The following UGT2B11 variants were observed in gnomAD, a reference collection of about 807,000 sequenced individuals.
UGT2B11 encodes the protein UDP-glucuronosyltransferase 2B11.
Under a neutral mutation model 51.7 loss-of-function variants are expected in UGT2B11, and 49 were observed. The observed-to-expected ratio is 0.95, with a 90% confidence interval of 0.75 to 1.20. The LOEUF (loss-of-function observed/expected upper bound fraction) is 1.20, where lower values mean the gene tolerates loss of function less well. Ranked by LOEUF, UGT2B11 falls within the 50% of genes most tolerant of loss-of-function variation. The pLI is 0.00. For synonymous variants in UGT2B11, 273 were observed against 209.0 expected (o/e 1.31, Z -2.64); for missense variants, 810 against 622.1 (o/e 1.30, Z -3.21).
intron 2 of UGT2B11, 120 bp from the exon 3 acceptor site, chr4:69,208,602 T>C (rs1303490558): frequency 2.0e-6 from 3 of 1,497,316 alleles, no homozygotes; most frequent in East Asian, 2.3e-5. Flanking sequence ...TTGGAATTAA[T>C]AATATTTTTT....
chr4:69,204,634 C>T lies in UGT2B11; in HGVS notation c.1106G>A (p.Arg369Lys), dbSNP rs1383101988. The part of the protein sequence containing the change: ...QNDLLGHPKT[R>K]AFITHGGANG... The stretch of plus-strand genomic sequence containing the variant: ...GGCTCCACCATGAGTTATAAAAGCT[C>T]TGGTTTTTGGATGACCTAGGATTGG... The change falls in exon 5 of 6, where the codon AGA (arginine) becomes AAA (lysine). Residue 369 changes from arginine to lysine, a missense_variant. Arg to Lys is a conservative substitution (Grantham distance 26). Transcript: ENST00000446444. The T allele has an allele frequency of 1.9e-6, 3 of 1,611,736 alleles. No individual in the cohort carries two copies. The highest frequency in any genetic ancestry group is 1.1e-5 in the South Asian group (1 of 91,032).
At chr4:69,221,107 T>C in the UGT2B11 span, among the ~76,000 whole-genome samples, 2 of 152,276 alleles carry the variant, frequency 1.3e-5, no homozygotes, top group Admixed American at 6.5e-5. Flanking sequence ...TCAGTATATA[T>C]GGACATGGGA....
chr4:69,214,860 G>A, upstream of UGT2B11: 1 of 1,363,636 alleles, frequency 7.3e-7, no homozygotes, highest in South Asian at 1.6e-5. Flanking sequence ...GTACATGGAT[G>A]GCAAGGAGAC....
At chr4:69,206,466 T>G (rs896855561) in intron 3 of UGT2B11, among the ~76,000 whole-genome samples, 5 of 151,210 alleles carry the variant, frequency 3.3e-5, no homozygotes, top group Admixed American at 6.6e-5. Flanking sequence ...TACACTGAGA[T>G]GTATTGGAGG....
At chr4:69,201,657 G>C (rs1299338666) in intron 5 of UGT2B11, among the ~76,000 whole-genome samples, 1 of 151,730 alleles carries the variant, frequency 6.6e-6, no homozygotes, top group Non-Finnish European at 1.5e-5. Context: ...CAAGGCATGT[G>C]TCTGTCCCTT....
At chr4:69,201,771 G>T (rs1418493062) in intron 5 of UGT2B11, among the ~76,000 whole-genome samples, 1 of 151,598 alleles carries the variant, frequency 6.6e-6, no homozygotes, top group East Asian at 2.0e-4. Flanking sequence ...TTGATTCCTA[G>T]AATTTTGTAA....
intron 2 of UGT2B11, among the ~76,000 whole-genome samples, chr4:69,211,832 T>A (rs1436998405): frequency 6.6e-6 from 1 of 151,586 alleles, no homozygotes; most frequent in Non-Finnish European, 1.5e-5. Context: ...CATATATATT[T>A]ATTTCTTAAC....
At chr4:69,221,280 G>T in the UGT2B11 span, among the ~76,000 whole-genome samples, 27 of 152,292 alleles carry the variant, frequency 1.8e-4, no homozygotes, top group African/African-American at 6.0e-4. Flanking sequence ...TAGAATTGGG[G>T]TGTTCCAAGG....
chr4:69,203,463 A>G (rs565961269), intron 5 of UGT2B11, among the ~76,000 whole-genome samples: 1 of 151,870 alleles, frequency 6.6e-6, no homozygotes, highest in African/African-American at 2.4e-5. Flanking sequence ...CCATAAACAT[A>G]CAGTTCTCAC....
upstream of UGT2B11, among the ~76,000 whole-genome samples, chr4:69,219,078 C>T (rs1409158465): frequency 1.3e-5 from 2 of 151,738 alleles, no homozygotes; most frequent in Non-Finnish European, 2.9e-5. Context: ...TCTCTTCAGC[C>T]TCAGTGACTA....
chr4:69,206,750 G>T (rs551613818), intron 3 of UGT2B11, among the ~76,000 whole-genome samples: 2 of 151,492 alleles, frequency 1.3e-5, no homozygotes, highest in South Asian at 4.1e-4. Context: ...GTAATGACCT[G>T]TATGTTTGTT....
Position 69,214,735 on chromosome 4 carries a change from C to G in UGT2B11, c.-13G>C, listed in dbSNP as rs767681466. The G allele has an allele frequency of 6.2e-7, 1 of 1,607,070 alleles. No homozygotes were observed. Among genetic ancestry groups the G allele is most frequent in the Non-Finnish European group, 8.5e-7 (1 of 1,176,562 alleles). Reference sequence around the variant, plus strand: ...ATTTCAGAGTCATCCTGGTGCAATGCGATCATTCTTTTCCAGTCACTGTTT... The same window carrying G: ...ATTTCAGAGTCATCCTGGTGCAATGGGATCATTCTTTTCCAGTCACTGTTT... On this transcript the variant is annotated 5_prime_UTR_variant, in exon 1 of 6. Coordinates refer to ENST00000446444, the MANE Select transcript of UGT2B11 (RefSeq NM_001073.3).
rs771406631 is a variant in UGT2B11 at position 69,208,394 on chromosome 4, C to T, written c.959G>A (p.Arg320Lys). ...AAGGGCTGTTGCAATTACATTGGCC[C>T]TTTCTGCTGTCATGTTACTTATCAC... ...GSVISNMTAE[R>K]ANVIATALAK... Residue 320 changes from arginine (R) to lysine (K), a missense_variant, in exon 3 of 6, where the codon AGG becomes AAG. Coordinates refer to ENST00000446444, the MANE Select transcript of UGT2B11 (RefSeq NM_001073.3). 1 of 1,610,974 alleles carries T rather than the reference C, an allele frequency of 6.2e-7. No homozygotes were observed. The highest frequency in any genetic ancestry group is 8.5e-7 in the Non-Finnish European group (1 of 1,178,186).
intron 3 of UGT2B11, among the ~76,000 whole-genome samples, chr4:69,205,909 C>A (rs867295558): frequency 1.3e-5 from 2 of 151,500 alleles, no homozygotes; most frequent in African/African-American, 2.4e-5. Context: ...AAATTCAAAT[C>A]AAAACCATAA....
chr4:69,202,655 T>C (rs543344031), intron 5 of UGT2B11, among the ~76,000 whole-genome samples: 1 of 151,892 alleles, frequency 6.6e-6, no homozygotes, highest in South Asian at 2.1e-4. Context: ...TTAATTGTGT[T>C]CTTCAAATGT....
upstream of UGT2B11, among the ~76,000 whole-genome samples, chr4:69,216,998 G>A (rs1183099063): frequency 6.6e-6 from 1 of 151,970 alleles, no homozygotes; most frequent in East Asian, 1.9e-4. Flanking sequence ...ATCATTTCAT[G>A]TTTCCTGACA....
At chr4:69,200,823 T>C in intron 5 of UGT2B11, 104 bp from the exon 6 acceptor site, 1 of 1,278,284 alleles carries the variant, frequency 7.8e-7, no homozygotes, top group Non-Finnish European at 1.0e-6. Flanking sequence ...TCAAAATAAA[T>C]GTCAAAGAAT....
intron 3 of UGT2B11, 76 bp from the exon 4 acceptor site, chr4:69,205,643 TA>T (rs1721824684): frequency 6.7e-7 from 1 of 1,493,956 alleles, no homozygotes; most frequent in African/African-American, 1.4e-5. Flanking sequence ...GTAGAAAGCA[TA>T]GGAATGAGAT....
chr4:69,214,375 C>T lies in UGT2B11; in HGVS notation c.348G>A (p.Leu116=), dbSNP rs150042325. Residue 116 remains leucine (L), a synonymous_variant, in exon 1 of 6, where the codon CTG becomes CTA. Coordinates refer to ENST00000446444, the MANE Select transcript of UGT2B11 (RefSeq NM_001073.3). ...WLYFSQEQEI[L]WELYDIFRNF... is the part of the protein sequence containing the mutation. The stretch of plus-strand genomic sequence containing the variant: ...TTCTAAATATGTCATATAATTCCCA[C>T]AGGATTTCTTGTTCTTGTGAAAAAT... The T allele has an allele frequency of 4.4e-3, 7,025 of 1,612,646 alleles. 295 individuals carry two copies. The East Asian group carries it at 0.092, about 21-fold the overall frequency.
Sources: allele counts gnomAD v4.1 joint callset (sites outside exome capture counted in the v4.1 genomes callset), GRCh38; gene constraint gnomAD v4.1.1; transcripts MANE v1.5; gene names NCBI Gene and HGNC (gene_info 2026-07-23, HGNC 2026-07-21).